Variants in LNPEP observed in about 807,000 individuals in gnomAD.
The protein encoded by LNPEP is leucyl and cystinyl aminopeptidase, also known as leucyl-cystinyl aminopeptidase.
Under a neutral mutation model 120.6 loss-of-function variants are expected in LNPEP, and 64 were observed. That is an observed-to-expected ratio of 0.53 (90% confidence interval 0.43 to 0.65). The LOEUF is 0.65. Ranked by LOEUF, LNPEP falls within the 30% of genes least tolerant of loss-of-function variation. The pLI is 0.00. For missense variants in LNPEP, 1,057 were observed against 1,200.0 expected, an observed-to-expected ratio of 0.88 and a Z score of 1.76; for synonymous variants, 435 against 425.4, an observed-to-expected ratio of 1.02 and a Z score of -0.28.
chr5:96,963,108 C>G (rs1161056684), intron 1 of LNPEP, among the ~76,000 whole-genome samples: 1 of 152,158 alleles, frequency 6.6e-6, no homozygotes, highest in Non-Finnish European at 1.5e-5. Flanking sequence ...TCATGAGACA[C>G]TGCATGTGTT....
At chr5:97,000,489 A>G (rs1790623720) in intron 8 of LNPEP, among the ~76,000 whole-genome samples, 1 of 152,176 alleles carries the variant, frequency 6.6e-6, no homozygotes, top group Admixed American at 6.5e-5. Flanking sequence ...AATGTAGTTT[A>G]TGCTGAAAAT....
chr5:96,940,659 T>A (rs536524327), intron 1 of LNPEP, among the ~76,000 whole-genome samples: 1 of 152,358 alleles, frequency 6.6e-6, no homozygotes, highest in Non-Finnish European at 1.5e-5. Context: ...TTTAGTGTAA[T>A]ACTCCTATTA....
At chr5:96,989,302 TATATTG>T (rs1404458871) in intron 4 of LNPEP, among the ~76,000 whole-genome samples, 3 of 63,398 alleles carry the variant, frequency 4.7e-5, no homozygotes, top group African/African-American at 1.8e-4. Flanking sequence ...TTATATATAA[TATATTG>T]TATATTATAT....
intron 13 of LNPEP, 89 bp from the exon 14 acceptor site, chr5:97,022,211 G>A (rs953902458): frequency 4.9e-6 from 4 of 813,942 alleles, no homozygotes; most frequent in East Asian, 2.6e-5. Flanking sequence ...TTACAGGCAC[G>A]AGACACTGCA....
intron 1 of LNPEP, among the ~76,000 whole-genome samples, chr5:96,951,380 TCCCAAGTA>T (rs1406996625): frequency 6.6e-6 from 1 of 152,104 alleles, no homozygotes; most frequent in Non-Finnish European, 1.5e-5. Flanking sequence ...TGCCTCAGCC[TCCCAAGTA>T]GCTGGGACCA....
At chr5:96,965,516 A>G (rs1318917546) in intron 1 of LNPEP, among the ~76,000 whole-genome samples, 1 of 152,160 alleles carries the variant, frequency 6.6e-6, no homozygotes, top group Non-Finnish European at 1.5e-5. Flanking sequence ...CAGTTTTCAT[A>G]AAAACAATTT....
intron 1 of LNPEP, among the ~76,000 whole-genome samples, chr5:96,972,350 G>A (rs1047361939): frequency 3.3e-5 from 5 of 152,112 alleles, no homozygotes. Flanking sequence ...CCTTTCTAGT[G>A]TTTCAAGCTG....
At position 97,028,510 on chromosome 5, in the gene LNPEP, A is replaced by T. The variant is rs2112677734; in HGVS notation, c.3055A>T (p.Lys1019Ter). Residue 1019 changes from lysine (K) to a stop codon, truncating the protein, a stop_gained, in exon 18 of 18, where the codon AAA becomes TAA. Coordinates refer to ENST00000231368, the MANE Select transcript of LNPEP (RefSeq NM_005575.3). LOFTEE classifies it high-confidence loss of function. ...LNIQWMEKNL[K>*]SLTWWL is the part of the protein sequence containing the mutation. ...TATCCAGTGGATGGAGAAGAACCTCAAAAGTCTCACATGGTGGCTGTAGCA... is the reference window on the plus strand; with the variant it reads ...TATCCAGTGGATGGAGAAGAACCTCTAAAGTCTCACATGGTGGCTGTAGCA... 6.2e-7 allele frequency: 1 copy of T among 1,613,956 alleles called. No homozygotes were observed. The highest frequency in any genetic ancestry group is 1.1e-5 in the South Asian group (1 of 91,080).
Position 97,027,734 on chromosome 5 carries a change from T to A in LNPEP, c.2866T>A (p.Phe956Ile). The A allele has an allele frequency of 6.3e-7, 1 of 1,587,404 alleles. No homozygotes were observed. Among genetic ancestry groups the A allele is most frequent in the Non-Finnish European group, 8.6e-7 (1 of 1,156,076 alleles). ...KENWNKLVQK[F>I]PLGSYTIQNI... ...GCTCTTGTTTTTGTGTTTCTTCAGG[T>A]TCCCTCTGGGGTCCTATACCATACA... Residue 956 changes from phenylalanine (F) to isoleucine (I), a missense_variant and splice_region_variant, in exon 17 of 18, where the codon TTC (phenylalanine) becomes ATC (isoleucine). By Grantham distance (21) the Phe-to-Ile change is conservative (BLOSUM62 0). Coordinates refer to ENST00000231368, the MANE Select transcript of LNPEP (RefSeq NM_005575.3).
intron 1 of LNPEP, among the ~76,000 whole-genome samples, chr5:96,975,562 C>T (rs1029209923): frequency 6.6e-5 from 10 of 152,086 alleles, no homozygotes; most frequent in African/African-American, 2.4e-4. Context: ...GACAGTCTAA[C>T]TCACTGCTTC....
At chr5:96,944,441 A>G (rs188395361) in intron 1 of LNPEP, among the ~76,000 whole-genome samples, 2 of 152,154 alleles carry the variant, frequency 1.3e-5, no homozygotes, top group Admixed American at 6.5e-5. Context: ...GCAGACAACA[A>G]TCAATACATG....
At position 97,034,042 on chromosome 5, in the gene LNPEP, T is replaced by A. The variant is rs1791523479; in HGVS notation, c.*5509T>A. 1 of 152,130 alleles carries A rather than the reference T, an allele frequency of 6.6e-6. No homozygotes were observed. The highest frequency in any genetic ancestry group is 2.1e-4 in the South Asian group (1 of 4,834). 9.4% of individuals were successfully genotyped at this position (152,130 alleles called of 1,614,324 possible). On this transcript the variant is annotated 3_prime_UTR_variant, in exon 18 of 18. Coordinates refer to ENST00000231368, the MANE Select transcript of LNPEP (RefSeq NM_005575.3). ...TTGTATTATTTCATGCTGTACCCAG[T>A]CCATTGCTTGGACTTACGGGTACCT...
At chr5:97,011,342 C>T (rs1263332359) in intron 11 of LNPEP, 1 of 225,272 alleles carries the variant, frequency 4.4e-6, no homozygotes, top group African/African-American at 2.3e-5. Context: ...AAGTGATACT[C>T]CTACCTCAGC....
rs1214096304 is a variant in LNPEP at position 97,035,974 on chromosome 5, T to C, written c.*7441T>C. 1 of 152,172 alleles carries C rather than the reference T, an allele frequency of 6.6e-6. No homozygotes were observed. Among genetic ancestry groups the C allele is most frequent in the African/African-American group, 2.4e-5 (1 of 41,446 alleles). The allele number at this position is 152,172 out of a possible 1,614,324, so 9.4% of individuals were successfully genotyped here. A position where few individuals can be genotyped will look rare whatever the true frequency, so the allele number is the denominator to read the frequency against. On this transcript the variant is annotated 3_prime_UTR_variant, in exon 18 of 18. Coordinates refer to ENST00000231368, the MANE Select transcript of LNPEP (RefSeq NM_005575.3). ...AAGAGGACAATATTGAATAAAGCTGTGTTTAAACTTCATTGCTCATATATC... is the reference window on the plus strand; with the variant it reads ...AAGAGGACAATATTGAATAAAGCTGCGTTTAAACTTCATTGCTCATATATC...
chr5:97,033,253 A>G lies in LNPEP; in HGVS notation c.*4720A>G, dbSNP rs1791505329. On this transcript the variant is annotated 3_prime_UTR_variant, in exon 18 of 18. Coordinates refer to ENST00000231368, the MANE Select transcript of LNPEP (RefSeq NM_005575.3). ...CATCCCTTATTGACTGCTGGGCAGTAGCTAACAGAGTAGTTGTCAAGTGGC... is the reference window on the plus strand; with the variant it reads ...CATCCCTTATTGACTGCTGGGCAGTGGCTAACAGAGTAGTTGTCAAGTGGC... 1 of 152,138 alleles carries G rather than the reference A, an allele frequency of 6.6e-6. No homozygotes were observed. Among genetic ancestry groups the G allele is most frequent in the African/African-American group, 2.4e-5 (1 of 41,440 alleles). 9.4% of individuals were successfully genotyped at this position (152,138 alleles called of 1,614,324 possible).
intron 13 of LNPEP, among the ~76,000 whole-genome samples, chr5:97,020,700 G>A (rs541217992): frequency 6.6e-6 from 1 of 152,238 alleles, no homozygotes; most frequent in East Asian, 1.9e-4. Context: ...TACTCGGGAG[G>A]CTGAAGCAGG....
intron 5 of LNPEP, 108 bp downstream of exon 5, chr5:96,993,243 A>G (rs1790433483): frequency 2.7e-6 from 2 of 728,698 alleles, no homozygotes; most frequent in Non-Finnish European, 4.4e-6. Flanking sequence ...GAGAAAACCA[A>G]AAACCATTAT....
chr5:97,006,550 C>A, intron 11 of LNPEP, 35 bp downstream of exon 11: 1 of 1,122,116 alleles, frequency 8.9e-7, no homozygotes, highest in Non-Finnish European at 1.4e-6. Flanking sequence ...TTGGAAATGG[C>A]ATAATTTTAA....
chr5:96,959,269 A>T (rs1789541504), intron 1 of LNPEP, among the ~76,000 whole-genome samples: 1 of 152,182 alleles, frequency 6.6e-6, no homozygotes. Context: ...GTAATGATTA[A>T]TATGTTGAGC....
Sources: gnomAD v4.1 joint callset for allele counts (sites outside exome capture counted in the v4.1 genomes callset) on GRCh38, gnomAD v4.1.1 for gene constraint, MANE v1.5 for transcripts, NCBI Gene and HGNC (gene_info 2026-07-23, HGNC 2026-07-21) for gene names.